The following TTLL6 variants were observed in gnomAD, a reference collection of about 807,000 sequenced individuals.
The protein encoded by TTLL6 is tubulin tyrosine ligase like 6.
In TTLL6, 75 loss-of-function variants were observed where a neutral mutation model predicts 96.4. That is an observed-to-expected ratio of 0.78 (90% confidence interval 0.65 to 0.94). The LOEUF is 0.94. TTLL6 is among the 40% of genes least tolerant of loss of function. The pLI is 0.00. For synonymous variants in TTLL6, 411 were observed against 419.4 expected, an observed-to-expected ratio of 0.98 and a Z score of 0.24; for missense variants, 1,030 against 1,093.0, an observed-to-expected ratio of 0.94 and a Z score of 0.81.
At chr17:48,774,088 A>AG (rs2038810760) in intron 13 of TTLL6, among the ~76,000 whole-genome samples, 1 of 102,594 alleles carries the variant, frequency 9.7e-6, no homozygotes, top group African/African-American at 4.0e-5. Flanking sequence ...ATCTCAAAAA[A>AG]AACAAAACAA....
chr17:48,813,075 C>CAG (rs1230843362), intron 1 of TTLL6, among the ~76,000 whole-genome samples: 1 of 152,124 alleles, frequency 6.6e-6, no homozygotes, highest in Non-Finnish European at 1.5e-5. Flanking sequence ...AAGACTGAGA[C>CAG]AGAGAGACTA....
chr17:48,790,502 G>A (rs181948342), intron 9 of TTLL6, among the ~76,000 whole-genome samples: 65 of 152,292 alleles, frequency 4.3e-4, no homozygotes, highest in African/African-American at 1.5e-3. Context: ...CCTGGCCAGG[G>A]TGGAGGGGAG....
Position 48,770,528 on chromosome 17 carries a change from ATTAT to A in TTLL6, c.2041-435_2041-432del, listed in dbSNP as rs1271293416. Among the ~76,000 whole-genome samples, 3 of 151,264 alleles carry A rather than the reference ATTAT, an allele frequency of 2.0e-5. No homozygotes were observed. In the East Asian group the frequency reaches 5.8e-4, roughly 29 times the overall value. On this transcript the variant is annotated intron_variant, in intron 13 of 15. Coordinates refer to ENST00000393382, the MANE Select transcript of TTLL6 (RefSeq NM_001130918.3). ...TGTTGTTGTTATTATTATTATTATT[ATTAT>A]TTGAGACAGGGTCTCACCCTGTCAC...
chr17:48,787,429 C>T (rs576033608), intron 11 of TTLL6, among the ~76,000 whole-genome samples: 1 of 152,170 alleles, frequency 6.6e-6, no homozygotes, highest in Admixed American at 6.5e-5. Flanking sequence ...CTGACACTGA[C>T]ACCCACGCTG....
intron 3 of TTLL6, among the ~76,000 whole-genome samples, chr17:48,801,944 G>A (rs2039423559): frequency 6.6e-6 from 1 of 151,644 alleles, no homozygotes; most frequent in Non-Finnish European, 1.5e-5. Flanking sequence ...TACTCAAGAG[G>A]CTGAGGGGGA....
intron 7 of TTLL6, 30 bp from the exon 8 acceptor site, chr17:48,796,176 C>A: frequency 6.5e-7 from 1 of 1,536,698 alleles, no homozygotes; most frequent in South Asian, 1.2e-5. Context: ...TCTGTCGGGT[C>A]AGCTCGGAAG....
chr17:48,770,112 A>G lies in TTLL6; in HGVS notation c.2041-15T>C. 1.3e-6 allele frequency: 2 copies of G among 1,583,614 alleles called. No homozygotes were observed. The highest frequency in any genetic ancestry group is 1.7e-4 in the Middle Eastern group (1 of 5,792). On this transcript the variant is annotated splice_polypyrimidine_tract_variant and intron_variant, in intron 13 of 15. Coordinates refer to ENST00000393382, the MANE Select transcript of TTLL6 (RefSeq NM_001130918.3). ...GAGGTTAAGTGCTGGAAGAAAAGAC[A>G]GTTCAAAATGAGACTGTGGAAAGCA...
chr17:48,779,933 C>T (rs1015382249), intron 13 of TTLL6, among the ~76,000 whole-genome samples: 1 of 151,888 alleles, frequency 6.6e-6, no homozygotes, highest in East Asian at 1.9e-4. Flanking sequence ...AGGAAGATTG[C>T]CTGGGAAGAA....
chr17:48,801,183 G>A, intron 5 of TTLL6, 72 bp downstream of exon 5: 1 of 1,418,134 alleles, frequency 7.1e-7, no homozygotes, highest in Non-Finnish European at 9.7e-7. Context: ...TGGCAACCAG[G>A]GAATCGGGGG....
rs1567733217 is a variant in TTLL6 at position 48,801,649 on chromosome 17, GAAGA to G, written c.362-10_362-7del. On this transcript the variant is annotated splice_region_variant and splice_polypyrimidine_tract_variant and intron_variant, in intron 3 of 15. Transcript: ENST00000393382. ...CTGTTGGGCAGCCCTGCGCACTATT[GAAGA>G]AAGAAAGGCCTATTAGCCCAGGAAG... 1 of 1,550,234 alleles carries G rather than the reference GAAGA, an allele frequency of 6.5e-7. No individual in the cohort carries two copies. Among genetic ancestry groups the G allele is most frequent in the South Asian group, 1.2e-5 (1 of 83,986 alleles).
chr17:48,769,026 C>A lies in TTLL6; in HGVS notation c.2639G>T (p.Cys880Phe). 6.2e-7 allele frequency: 1 copy of A among 1,614,214 alleles called. No individual in the cohort carries two copies. Among genetic ancestry groups the A allele is most frequent in the Non-Finnish European group, 8.5e-7 (1 of 1,180,046 alleles). The change falls in exon 15 of 16, where the codon TGC becomes TTC. Residue 880 changes from cysteine (C) to phenylalanine (F), a missense_variant. Transcript: ENST00000393382. ...ACATCCTTTTTGGCCAGAGATCAGG[C>A]AATGGCTGTATGCTTCTTGATCCTG... is the stretch of plus-strand genomic sequence containing the variant. Reference protein sequence around the residue: ...CMQDQEAYSHCLISGQKGCER... With the variant: ...CMQDQEAYSHFLISGQKGCER...
In TTLL6 at chr17:48,796,115, G is replaced by A. The variant is rs1296172283; in HGVS notation, c.944C>T (p.Ser315Phe). ...DDICMHLTNY[S>F]INKHSSNFSR... ...GAAATTTGAACTGTGCTTATTAATG[G>A]AATAATTAGTCAGGTGCATGCAGAT... The change falls in exon 8 of 16, where the codon TCC (serine) becomes TTC (phenylalanine). Residue 315 changes from serine to phenylalanine, a missense_variant. Physicochemically the swap from Ser to Phe is radical, Grantham distance 155. Transcript: ENST00000393382. 9.0e-6 allele frequency: 14 copies of A among 1,551,382 alleles called. No homozygotes were observed. The highest frequency in any genetic ancestry group is 8.2e-5 in the African/African-American group (6 of 73,052).
intron 10 of TTLL6, among the ~76,000 whole-genome samples, chr17:48,789,413 G>C (rs1329428616): frequency 6.6e-6 from 1 of 152,164 alleles, no homozygotes; most frequent in African/African-American, 2.4e-5. Context: ...CCTTTTATAT[G>C]CATTATCTCA....
chr17:48,796,922 C>T (rs927554444), intron 7 of TTLL6, 139 bp downstream of exon 7: 28 of 973,724 alleles, frequency 2.9e-5, no homozygotes, highest in African/African-American at 1.3e-4. Context: ...ATCCTGGCAG[C>T]GCTAAATGAA....
In TTLL6 at chr17:48,804,895, C is replaced by T. The variant is rs1268808699; in HGVS notation, c.200G>A (p.Gly67Glu). Reference protein sequence around the residue: ...SQEGENSEEKGDSSKEDPKET... With the variant: ...SQEGENSEEKEDSSKEDPKET... ...TTTTGGATCTTCTTTGGAACTGTCC[C>T]CCTTCTCTTCGGAGTTTTCCCCTTC... Residue 67 changes from glycine (G) to glutamate (E), a missense_variant, in exon 2 of 16, where the codon GGG (glycine) becomes GAG (glutamate). By Grantham distance (98) the Gly-to-Glu change is moderately conservative. Transcript: ENST00000393382. 1 of 1,552,048 alleles carries T rather than the reference C, an allele frequency of 6.4e-7. No homozygotes were observed. The highest frequency in any genetic ancestry group is 2.0e-5 in the Admixed American group (1 of 50,986).
chr17:48,778,817 C>G (rs548599561), intron 13 of TTLL6, among the ~76,000 whole-genome samples: 1 of 151,876 alleles, frequency 6.6e-6, no homozygotes, highest in South Asian at 2.1e-4. Flanking sequence ...GTAATCCCAG[C>G]TACTCAGGAG....
intron 2 of TTLL6, 101 bp downstream of exon 2, chr17:48,804,671 T>G: frequency 1.0e-6 from 1 of 997,678 alleles, no homozygotes; most frequent in Non-Finnish European, 1.5e-6. Context: ...CAGCACACAG[T>G]TTCTCCTTTA....
Position 48,797,219 on chromosome 17 carries a change from C to T in TTLL6, c.769-15G>A, listed in dbSNP as rs548184109. 2.3e-4 allele frequency: 362 copies of T among 1,542,126 alleles called. 3 individuals carry two copies. In the South Asian group the frequency reaches 4.0e-3, roughly 17 times the overall value. On this transcript the variant is annotated splice_polypyrimidine_tract_variant and intron_variant, in intron 6 of 15. Transcript: ENST00000393382. ...ATGATAAAGGGCTGGAAGGAGAGAA[C>T]AGAAGTCAGACATGCATTAGAGGAG...
chr17:48,790,253 C>T (rs2039194433), intron 9 of TTLL6, 147 bp from the exon 10 acceptor site: 4 of 815,210 alleles, frequency 4.9e-6, no homozygotes, highest in South Asian at 1.9e-5. Context: ...AGCATCTGGA[C>T]TAGAGCCACA....
Sources: gnomAD v4.1 joint callset for allele counts (sites outside exome capture counted in the v4.1 genomes callset) on GRCh38, gnomAD v4.1.1 for gene constraint, MANE v1.5 for transcripts, NCBI Gene and HGNC (gene_info 2026-07-23, HGNC 2026-07-21) for gene names.